Variants in NBAS observed in about 807,000 individuals in gnomAD.
The protein encoded by NBAS is NAG/BC035112 fusion.
A neutral mutation model predicts 302.5 loss-of-function variants in NBAS; 219 were observed. That is an observed-to-expected ratio of 0.72 (90% CI 0.65 to 0.81). The LOEUF (loss-of-function observed/expected upper bound fraction) is 0.81. Among genes scored for constraint, NBAS ranks in the 30% least tolerant of loss-of-function variants. The pLI is 0.00. For missense variants in NBAS, 2,932 were observed against 2,841.6 expected, an observed-to-expected ratio of 1.03 and a Z score of -0.72; for synonymous variants, 1,118 against 1,021.6, an observed-to-expected ratio of 1.09 and a Z score of -1.80.
At chr2:15,239,719 T>C (rs1184790896) in intron 44 of NBAS, among the ~76,000 whole-genome samples, 1 of 151,756 alleles carries the variant, frequency 6.6e-6, no homozygotes, top group East Asian at 1.9e-4. Context: ...TATATATTAT[T>C]AAGGTGTTAG....
chr2:15,107,978 T>C, the NBAS span, among the ~76,000 whole-genome samples: 2 of 152,090 alleles, frequency 1.3e-5, no homozygotes, highest in African/African-American at 2.4e-5. Flanking sequence ...CTCAGCATAA[T>C]GTTTCTGAGG....
chr2:15,029,105 G>A, the NBAS span, among the ~76,000 whole-genome samples: 1 of 152,088 alleles, frequency 6.6e-6, no homozygotes, highest in South Asian at 2.1e-4. Flanking sequence ...GTGTGTTCAG[G>A]GCACATTTGC....
Position 15,489,041 on chromosome 2 carries a change from G to C in NBAS, c.955-19C>G. 2 of 1,612,120 alleles carry C rather than the reference G, an allele frequency of 1.2e-6. No homozygotes were observed. Among genetic ancestry groups the C allele is most frequent in the South Asian group, 1.1e-5 (1 of 91,058 alleles). ...TTCCATCCTAAATAAGAATCATAAG[G>C]TCAGGGCAAAGGACTTATGGTCAAA... On this transcript the variant is annotated intron_variant, in intron 11 of 51. Coordinates refer to ENST00000281513, the MANE Select transcript of NBAS (RefSeq NM_015909.4).
At chr2:14,902,691 A>C in the NBAS span, among the ~76,000 whole-genome samples, 1 of 152,202 alleles carries the variant, frequency 6.6e-6, no homozygotes, top group Non-Finnish European at 1.5e-5. Context: ...ACAAGACTGA[A>C]ACTTGAGCTT....
chr2:15,030,029 C>G, the NBAS span, among the ~76,000 whole-genome samples: 2 of 152,158 alleles, frequency 1.3e-5, no homozygotes, highest in African/African-American at 4.8e-5. Flanking sequence ...GAAAGGCGAA[C>G]TTTTTAGCAT....
At chr2:15,477,621 A>C (rs1483630035) in intron 13 of NBAS, among the ~76,000 whole-genome samples, 1 of 152,214 alleles carries the variant, frequency 6.6e-6, no homozygotes, top group Non-Finnish European at 1.5e-5. Context: ...ACACTTAAAA[A>C]TTCATCACGG....
the NBAS span, among the ~76,000 whole-genome samples, chr2:14,828,177 T>C: frequency 6.6e-6 from 1 of 152,136 alleles, no homozygotes; most frequent in Non-Finnish European, 1.5e-5. Context: ...TCTTACCTTC[T>C]AGAAAAAAAA....
At chr2:15,322,335 T>C (rs2148205570) in intron 38 of NBAS, among the ~76,000 whole-genome samples, 1 of 152,124 alleles carries the variant, frequency 6.6e-6, no homozygotes, top group South Asian at 2.1e-4. Context: ...CATGCATACA[T>C]ATGTAACAAA....
At chr2:15,483,417 G>A in intron 12 of NBAS, 1 of 384,640 alleles carries the variant, frequency 2.6e-6, no homozygotes, top group Non-Finnish European at 5.3e-6. Flanking sequence ...ACATAAGTTT[G>A]TATTCCATTT....
chr2:15,538,404 G>C (rs539629232), intron 7 of NBAS: 12 of 409,712 alleles, frequency 2.9e-5, no homozygotes, highest in African/African-American at 2.4e-4. Context: ...CTATATCATT[G>C]GTTTTCAACC....
intron 51 of NBAS, among the ~76,000 whole-genome samples, chr2:15,174,578 G>T (rs1369039215): frequency 2.0e-5 from 3 of 152,350 alleles, no homozygotes; most frequent in African/African-American, 7.2e-5. Context: ...TAGGCGAGTT[G>T]TTGGGGTAGG....
At chr2:14,824,991 C>T in the NBAS span, among the ~76,000 whole-genome samples, 12 of 152,266 alleles carry the variant, frequency 7.9e-5, no homozygotes, top group Admixed American at 2.6e-4. Context: ...CTTTTCTGTT[C>T]TTTCGGTGCC....
At chr2:14,792,624 C>T in the NBAS span, among the ~76,000 whole-genome samples, 16 of 151,766 alleles carry the variant, frequency 1.1e-4, no homozygotes, top group African/African-American at 3.6e-4. Context: ...CAAAATCCCA[C>T]ATGTTAACCC....
At chr2:14,795,869 AC>A in the NBAS span, among the ~76,000 whole-genome samples, 156 of 152,302 alleles carry the variant, frequency 1.0e-3, no homozygotes, top group African/African-American at 3.7e-3. Context: ...GGCGTGGAGG[AC>A]AAAATTGCCC....
chr2:15,384,899 C>T (rs1236347063), intron 28 of NBAS, among the ~76,000 whole-genome samples: 1 of 152,076 alleles, frequency 6.6e-6, no homozygotes, highest in Admixed American at 6.5e-5. Context: ...TATTTCCAAA[C>T]ACTATGCATT....
At chr2:14,939,285 T>G in the NBAS span, among the ~76,000 whole-genome samples, 1 of 152,270 alleles carries the variant, frequency 6.6e-6, no homozygotes, top group Non-Finnish European at 1.5e-5. Context: ...TTCTTGTCCA[T>G]TCAGTTACTA....
the NBAS span, among the ~76,000 whole-genome samples, chr2:15,022,948 T>G: frequency 6.6e-6 from 1 of 152,220 alleles, no homozygotes; most frequent in East Asian, 1.9e-4. Flanking sequence ...TTTTTTTATT[T>G]TTTTTTGTTT....
intron 41 of NBAS, among the ~76,000 whole-genome samples, chr2:15,289,450 T>C (rs1670204298): frequency 6.6e-6 from 1 of 152,194 alleles, no homozygotes; most frequent in South Asian, 2.1e-4. Flanking sequence ...CTCCACATCA[T>C]GGAATGAGAA....
In NBAS at chr2:15,384,826, G is replaced by A. The variant is rs548876465; in HGVS notation, c.3258-1509C>T. Among the ~76,000 whole-genome samples, 56 of 152,160 alleles carry A rather than the reference G, an allele frequency of 3.7e-4. No homozygotes were observed. In the South Asian group the frequency reaches 9.8e-3, roughly 27 times the overall value. ...TAAATTGGTCAAATACCAACTAGAC[G>A]ATGTTTCTTTTTCATGCATCTTTTT... On this transcript the variant is annotated intron_variant, in intron 28 of 51. Coordinates refer to ENST00000281513, the MANE Select transcript of NBAS (RefSeq NM_015909.4).
Sources: gnomAD v4.1 joint callset for allele counts (sites outside exome capture counted in the v4.1 genomes callset) on GRCh38, gnomAD v4.1.1 for gene constraint, MANE v1.5 for transcripts, NCBI Gene and HGNC (gene_info 2026-07-23, HGNC 2026-07-21) for gene names.